Variants in CDH12 observed in about 807,000 individuals in gnomAD.
The protein encoded by CDH12 is cadherin 12.
In CDH12, 41 loss-of-function variants were observed where a neutral mutation model predicts 74.1. That is an observed-to-expected ratio of 0.55 (90% CI 0.43 to 0.72). The LOEUF (loss-of-function observed/expected upper bound fraction) is 0.72. Among genes scored for constraint, CDH12 ranks in the 30% least tolerant of loss-of-function variants. The pLI is 0.00. For missense variants in CDH12, 945 were observed against 977.2 expected, an observed-to-expected ratio of 0.97 and a Z score of 0.44; for synonymous variants, 399 against 355.0, an observed-to-expected ratio of 1.12 and a Z score of -1.39.
At chr5:22,145,776 A>C (rs768683663) in intron 4 of CDH12, among the ~76,000 whole-genome samples, 20 of 152,066 alleles carry the variant, frequency 1.3e-4, no homozygotes, top group Non-Finnish European at 2.1e-4. Flanking sequence ...GGGACATCGA[A>C]GGTACAAAAT....
intron 1 of CDH12, among the ~76,000 whole-genome samples, chr5:22,686,691 G>A (rs973082437): frequency 1.3e-5 from 2 of 152,118 alleles, no homozygotes; most frequent in Admixed American, 6.6e-5. Context: ...TAGGATGGGG[G>A]TGATGGATAA....
chr5:21,904,549 A>G (rs1040251855), intron 6 of CDH12, among the ~76,000 whole-genome samples: 22 of 152,118 alleles, frequency 1.4e-4, no homozygotes, highest in Admixed American at 6.6e-4. Flanking sequence ...TGAGAGGATC[A>G]CTTGAGGCCA....
chr5:22,564,435 T>C (rs963779527), intron 1 of CDH12, among the ~76,000 whole-genome samples: 7 of 152,214 alleles, frequency 4.6e-5, no homozygotes, highest in Admixed American at 4.6e-4. Flanking sequence ...TTTGAGAGTG[T>C]TCACTTTACC....
chr5:22,688,587 T>G (rs1741930031), intron 1 of CDH12, among the ~76,000 whole-genome samples: 1 of 152,188 alleles, frequency 6.6e-6, no homozygotes, highest in Non-Finnish European at 1.5e-5. Flanking sequence ...TCTGGCAACC[T>G]GAGTGTTTTT....
At chr5:22,641,943 T>C (rs924277849) in intron 1 of CDH12, among the ~76,000 whole-genome samples, 1 of 152,172 alleles carries the variant, frequency 6.6e-6, no homozygotes, top group South Asian at 2.1e-4. Flanking sequence ...TTTCCCCTGC[T>C]AGGCTGGGAA....
At chr5:22,106,904 T>C (rs1744477292) in intron 4 of CDH12, among the ~76,000 whole-genome samples, 1 of 152,174 alleles carries the variant, frequency 6.6e-6, no homozygotes, top group African/African-American at 2.4e-5. Context: ...GAAATATAAC[T>C]TTGAAGAGGA....
intron 1 of CDH12, among the ~76,000 whole-genome samples, chr5:22,547,710 T>A (rs2126728633): frequency 6.6e-6 from 1 of 152,300 alleles, no homozygotes; most frequent in African/African-American, 2.4e-5. Flanking sequence ...TCAATATGTT[T>A]TGATAGTGGG....
intron 3 of CDH12, among the ~76,000 whole-genome samples, chr5:22,378,051 TC>T (rs760849126): frequency 1.3e-5 from 2 of 152,316 alleles, no homozygotes; most frequent in African/African-American, 4.8e-5. Context: ...CGTGTTTTTT[TC>T]CTCTTACTAC....
At chr5:22,739,452 G>A (rs530842840) in intron 1 of CDH12, among the ~76,000 whole-genome samples, 1 of 151,972 alleles carries the variant, frequency 6.6e-6, no homozygotes, top group Non-Finnish European at 1.5e-5. Flanking sequence ...CATCTTATAA[G>A]TAAATATTTT....
intron 9 of CDH12, among the ~76,000 whole-genome samples, chr5:21,813,610 G>A (rs928364732): frequency 1.3e-5 from 2 of 152,076 alleles, no homozygotes; most frequent in Non-Finnish European, 2.9e-5. Context: ...TCTGCCTGGC[G>A]AGCCCGTCAT....
At chr5:21,827,914 T>C (rs1469162775) in intron 8 of CDH12, among the ~76,000 whole-genome samples, 1 of 152,204 alleles carries the variant, frequency 6.6e-6, no homozygotes, top group African/African-American at 2.4e-5. Context: ...TTTAATATTC[T>C]CTTAAAACCT....
chr5:22,580,008 G>A (rs927408374), intron 1 of CDH12, among the ~76,000 whole-genome samples: 7 of 151,800 alleles, frequency 4.6e-5, no homozygotes, highest in African/African-American at 1.7e-4. Flanking sequence ...TTTTTTCCCC[G>A]CTCACATTAA....
intron 1 of CDH12, among the ~76,000 whole-genome samples, chr5:22,537,379 A>G (rs957775909): frequency 3.3e-5 from 5 of 152,236 alleles, no homozygotes; most frequent in Admixed American, 1.3e-4. Flanking sequence ...GGAATTTAAT[A>G]CAGTAGTATT....
chr5:21,906,889 C>G (rs537897693), intron 6 of CDH12, among the ~76,000 whole-genome samples: 1 of 152,238 alleles, frequency 6.6e-6, no homozygotes. Context: ...GTTGCCCAGG[C>G]TGGTCTTGAG....
At chr5:22,815,912 A>G (rs1249851165) in intron 1 of CDH12, among the ~76,000 whole-genome samples, 1 of 152,114 alleles carries the variant, frequency 6.6e-6, no homozygotes, top group Non-Finnish European at 1.5e-5. Flanking sequence ...ATAGCATTAG[A>G]AGAAAAATTA....
chr5:22,639,720 C>T (rs866413974), intron 1 of CDH12, among the ~76,000 whole-genome samples: 25 of 152,272 alleles, frequency 1.6e-4, no homozygotes, highest in African/African-American at 6.0e-4. Context: ...TGCTGATTCT[C>T]TCCCCACTAA....
At chr5:22,561,506 A>ATT (rs903085049) in intron 1 of CDH12, among the ~76,000 whole-genome samples, 1 of 151,426 alleles carries the variant, frequency 6.6e-6, no homozygotes, top group African/African-American at 2.4e-5. Context: ...TAAAATCTGT[A>ATT]TTTTTTTTTC....
chr5:22,043,202 A>G (rs1302095656), intron 5 of CDH12, among the ~76,000 whole-genome samples: 1 of 152,184 alleles, frequency 6.6e-6, no homozygotes, highest in African/African-American at 2.4e-5. Context: ...CCTCAACAGA[A>G]TACTAGCAAA....
intron 3 of CDH12, among the ~76,000 whole-genome samples, chr5:22,382,561 A>G (rs1741815608): frequency 6.6e-6 from 1 of 151,746 alleles, no homozygotes; most frequent in South Asian, 2.1e-4. Flanking sequence ...TTTCATCTTC[A>G]AGATTTTATT....
Sources: gnomAD v4.1 joint callset for allele counts (sites outside exome capture counted in the v4.1 genomes callset) on GRCh38, gnomAD v4.1.1 for gene constraint, MANE v1.5 for transcripts, NCBI Gene and HGNC (gene_info 2026-07-23, HGNC 2026-07-21) for gene names.